SLC5A4: variants seen among roughly 807,000 people sequenced by gnomAD.
The protein encoded by SLC5A4 is solute carrier family 5 member 4, also known as probable glucose sensor protein SLC5A4.
SLC5A4 carries 55 observed loss-of-function variants against 70.3 expected under a neutral mutation model. The observed-to-expected ratio is 0.78, with a 90% CI of 0.63 to 0.98. The LOEUF (loss-of-function observed/expected upper bound fraction) is 0.98. SLC5A4 is among the 50% of genes least tolerant of loss of function. The probability of loss-of-function intolerance (pLI) is 0.00; values close to 1 mark genes in which losing one functional copy is unlikely to be tolerated. For missense variants in SLC5A4, 735 were observed against 839.2 expected (o/e 0.88, Z 1.53); for synonymous variants, 268 against 305.7 (o/e 0.88, Z 1.29).
the SLC5A4 span, among the ~76,000 whole-genome samples, chr22:32,340,168 G>A: frequency 1.3e-5 from 2 of 152,186 alleles, no homozygotes; most frequent in Non-Finnish European, 2.9e-5. Context: ...TTCATAAAAT[G>A]AGGCTCGGGA....
the SLC5A4 span, among the ~76,000 whole-genome samples, chr22:32,315,567 G>C: frequency 6.6e-6 from 1 of 152,054 alleles, no homozygotes; most frequent in Non-Finnish European, 1.5e-5. Context: ...AAGATATCAT[G>C]TCATATTATA....
At chr22:32,339,317 C>T in the SLC5A4 span, among the ~76,000 whole-genome samples, 1 of 152,128 alleles carries the variant, frequency 6.6e-6, no homozygotes, top group Non-Finnish European at 1.5e-5. Context: ...GGGCTCTGTT[C>T]CAGTCCTTAC....
chr22:32,283,274 CTT>C, the SLC5A4 span, among the ~76,000 whole-genome samples: 4 of 152,234 alleles, frequency 2.6e-5, no homozygotes, highest in Admixed American at 2.0e-4. Context: ...CTCAGATGCT[CTT>C]GTCTCAGATA....
chr22:32,260,770 A>T, the SLC5A4 span, among the ~76,000 whole-genome samples: 1 of 152,182 alleles, frequency 6.6e-6, no homozygotes, highest in Non-Finnish European at 1.5e-5. Context: ...CAGGTATGGG[A>T]CCAGGAATAA....
the SLC5A4 span, among the ~76,000 whole-genome samples, chr22:32,310,804 C>G: frequency 6.6e-6 from 1 of 152,226 alleles, no homozygotes; most frequent in Non-Finnish European, 1.5e-5. Context: ...GATGAAGAGC[C>G]AGGGAGAATG....
At chr22:32,231,882 A>G (rs1925785791) in intron 9 of SLC5A4, among the ~76,000 whole-genome samples, 1 of 151,148 alleles carries the variant, frequency 6.6e-6, no homozygotes, top group South Asian at 2.1e-4. Context: ...CTAGTTAGAT[A>G]CCTACACTTT....
the SLC5A4 span, among the ~76,000 whole-genome samples, chr22:32,314,246 C>T: frequency 6.6e-6 from 1 of 152,144 alleles, no homozygotes; most frequent in African/African-American, 2.4e-5. Context: ...TTCTCCATAG[C>T]ACACACCTCT....
At chr22:32,246,846 T>C (rs964379927) in intron 5 of SLC5A4, among the ~76,000 whole-genome samples, 7 of 152,196 alleles carry the variant, frequency 4.6e-5, no homozygotes, top group South Asian at 2.1e-4. Flanking sequence ...TGTAACTTTA[T>C]AAAAAAGTAC....
intron 1 of SLC5A4, 26 bp downstream of exon 1, chr22:32,255,169 C>T (rs760660139): frequency 1.2e-6 from 2 of 1,613,118 alleles, no homozygotes; most frequent in South Asian, 2.2e-5. Context: ...TGTGCCCACC[C>T]TAAAAGCCAC....
At chr22:32,300,446 C>T in the SLC5A4 span, among the ~76,000 whole-genome samples, 1 of 152,148 alleles carries the variant, frequency 6.6e-6, no homozygotes, top group Non-Finnish European at 1.5e-5. Flanking sequence ...TCACCCCTTT[C>T]TTTGACTCAG....
chr22:32,278,836 AAAG>A, the SLC5A4 span, among the ~76,000 whole-genome samples: 10 of 152,246 alleles, frequency 6.6e-5, no homozygotes, highest in Admixed American at 4.6e-4. Flanking sequence ...ATGGATAAAA[AAAG>A]AAGAAAACAA....
chr22:32,343,632 T>A, the SLC5A4 span, among the ~76,000 whole-genome samples: 1 of 152,234 alleles, frequency 6.6e-6, no homozygotes, highest in African/African-American at 2.4e-5. Flanking sequence ...TCTTAACGGA[T>A]AAACTATCAG....
At chr22:32,271,523 G>A in the SLC5A4 span, 67 of 710,276 alleles carry the variant, frequency 9.4e-5, no homozygotes, top group South Asian at 6.2e-4. Flanking sequence ...AGAAGCCGAA[G>A]CCATCCAAGA....
the SLC5A4 span, among the ~76,000 whole-genome samples, chr22:32,301,829 A>G: frequency 8.8e-6 from 1 of 113,822 alleles, no homozygotes; most frequent in African/African-American, 4.0e-5. Flanking sequence ...TCAAAGGAAC[A>G]TAATTTAAAG....
the SLC5A4 span, chr22:32,269,881 G>A: frequency 1.5e-5 from 9 of 581,262 alleles, no homozygotes; most frequent in East Asian, 2.2e-4. This position sits in a 1 kb window ranked among gnomAD's most constrained non-coding sequence, Gnocchi z 4.1. Flanking sequence ...CGTAGCGTCC[G>A]AGTGTTCCAC....
chr22:32,278,279 C>G, the SLC5A4 span, among the ~76,000 whole-genome samples: 4 of 152,180 alleles, frequency 2.6e-5, no homozygotes, highest in Non-Finnish European at 4.4e-5. Context: ...AGTCTAACTT[C>G]GATCAAGATT....
chr22:32,277,131 T>C, the SLC5A4 span: 1 of 152,192 alleles, frequency 6.6e-6, no homozygotes, highest in Non-Finnish European at 1.5e-5. Flanking sequence ...ACAAATCAGA[T>C]CTATTTTTAT....
the SLC5A4 span, among the ~76,000 whole-genome samples, chr22:32,279,229 T>C: frequency 5.3e-5 from 8 of 152,170 alleles, no homozygotes; most frequent in Non-Finnish European, 8.8e-5. Flanking sequence ...TGAGCGGAGA[T>C]TGCGCCGCTG....
At chr22:32,272,380 C>T in the SLC5A4 span, 1 of 897,350 alleles carries the variant, frequency 1.1e-6, no homozygotes, top group South Asian at 1.4e-5. Flanking sequence ...CCTGTGAAGC[C>T]TGCGGGCCAG....
Sources: allele counts gnomAD v4.1 joint callset (sites outside exome capture counted in the v4.1 genomes callset), GRCh38; gene constraint gnomAD v4.1.1; non-coding constraint Gnocchi (gnomAD v3.1); transcripts MANE v1.5; gene names NCBI Gene and HGNC (gene_info 2026-07-23, HGNC 2026-07-21).